Variants in PIK3C3 observed in about 807,000 individuals in gnomAD.
PIK3C3 encodes phosphatidylinositol 3-kinase catalytic subunit type 3.
Under a neutral mutation model 126.1 loss-of-function variants are expected in PIK3C3, and 95 were observed. That is an observed-to-expected ratio of 0.75 (90% CI 0.64 to 0.89). PIK3C3 has a LOEUF of 0.89. PIK3C3 is among the 40% of genes least tolerant of loss of function. PIK3C3 has a pLI of 0.00. For synonymous variants in PIK3C3, 374 were observed against 360.0 expected (o/e 1.04, Z -0.44); for missense variants, 829 against 1,063.2 (o/e 0.78, Z 3.06).
At chr18:41,959,316 T>C (rs973635012) in intron 2 of PIK3C3, among the ~76,000 whole-genome samples, 3 of 152,206 alleles carry the variant, frequency 2.0e-5, no homozygotes, top group Non-Finnish European at 4.4e-5. Flanking sequence ...CTCCTCCCAT[T>C]TGCCAACTCT....
chr18:42,009,186 A>G (rs1982687211), intron 10 of PIK3C3, among the ~76,000 whole-genome samples: 1 of 152,202 alleles, frequency 6.6e-6, no homozygotes, highest in Admixed American at 6.5e-5. Context: ...AGAAAATCAG[A>G]TGTTTATTGC....
At chr18:41,973,794 A>G (rs181859411) in intron 4 of PIK3C3, among the ~76,000 whole-genome samples, 1 of 152,222 alleles carries the variant, frequency 6.6e-6, no homozygotes, top group Non-Finnish European at 1.5e-5. Flanking sequence ...AGGAACAGAG[A>G]TGGTAGATGT....
intron 12 of PIK3C3, among the ~76,000 whole-genome samples, chr18:42,017,649 T>G (rs1983133807): frequency 6.6e-6 from 1 of 152,230 alleles, no homozygotes; most frequent in Admixed American, 6.5e-5. Context: ...TGCATCTTTA[T>G]CACTGTTTGG....
intron 9 of PIK3C3, among the ~76,000 whole-genome samples, chr18:41,999,522 G>A (rs1456607907): frequency 6.6e-6 from 1 of 152,076 alleles, no homozygotes; most frequent in Non-Finnish European, 1.5e-5. Flanking sequence ...GAAATTGATG[G>A]TGACCCATGG....
At chr18:42,072,963 C>T (rs1303099025) in intron 24 of PIK3C3, among the ~76,000 whole-genome samples, 1 of 152,120 alleles carries the variant, frequency 6.6e-6, no homozygotes, top group African/African-American at 2.4e-5. Flanking sequence ...AGTCCATTTC[C>T]TGTTTCTGCT....
At chr18:42,042,450 G>A (rs1984364859) in intron 19 of PIK3C3, among the ~76,000 whole-genome samples, 1 of 152,134 alleles carries the variant, frequency 6.6e-6, no homozygotes, top group African/African-American at 2.4e-5. Context: ...CAGTGGTCCT[G>A]GGGACCCGTT....
At chr18:41,975,014 TG>T in intron 4 of PIK3C3, among the ~76,000 whole-genome samples, 1 of 152,138 alleles carries the variant, frequency 6.6e-6, no homozygotes, top group East Asian at 1.9e-4. Flanking sequence ...AACAACTAGA[TG>T]AAAAATGCTT....
chr18:41,984,417 C>A (rs1416260194), intron 4 of PIK3C3, among the ~76,000 whole-genome samples: 1 of 151,976 alleles, frequency 6.6e-6, no homozygotes, highest in Admixed American at 6.6e-5. Flanking sequence ...ATAGCTGTTA[C>A]AACTTACATA....
chr18:42,000,812 A>G (rs761114959), intron 9 of PIK3C3, among the ~76,000 whole-genome samples: 15 of 152,168 alleles, frequency 9.9e-5, no homozygotes, highest in Non-Finnish European at 1.6e-4. Context: ...CTTACTCACT[A>G]TCATGAGAAC....
rs1986410818 is a variant in PIK3C3, at chr18:42,086,882, T to G, written c.*5745T>G. 1 of 152,184 alleles carries G rather than the reference T, an allele frequency of 6.6e-6. No individual in the cohort carries two copies. 9.4% of individuals were successfully genotyped at this position (152,184 alleles called of 1,614,324 possible). A position where few individuals can be genotyped will look rare whatever the true frequency, so the allele number is the denominator to read the frequency against. ...AGCCATCCTTTCTTTATTAACCTGC[T>G]TTCACTTTATGGACTCCCCTGAATT... On this transcript the variant is annotated 3_prime_UTR_variant, in exon 25 of 25. Coordinates refer to ENST00000262039, the MANE Select transcript of PIK3C3 (RefSeq NM_002647.4).
intron 9 of PIK3C3, among the ~76,000 whole-genome samples, chr18:41,997,130 G>A (rs1982065869): frequency 6.6e-6 from 1 of 152,136 alleles, no homozygotes; most frequent in Non-Finnish European, 1.5e-5. Flanking sequence ...TAGGTGCAGA[G>A]TAAATGCTGG....
intron 17 of PIK3C3, among the ~76,000 whole-genome samples, chr18:42,038,467 G>A (rs771013709): frequency 6.6e-6 from 1 of 151,442 alleles, no homozygotes; most frequent in African/African-American, 2.4e-5. Flanking sequence ...TCAGCCTCCC[G>A]AGTAGTTGGG....
At chr18:42,038,414 T>C (rs975298658) in intron 17 of PIK3C3, among the ~76,000 whole-genome samples, 5 of 152,108 alleles carry the variant, frequency 3.3e-5, no homozygotes, top group Non-Finnish European at 5.9e-5. Flanking sequence ...CGATCTTGGC[T>C]CACTGCAACC....
intron 24 of PIK3C3, among the ~76,000 whole-genome samples, chr18:42,073,844 C>T (rs1985874684): frequency 1.3e-5 from 2 of 151,890 alleles, no homozygotes; most frequent in South Asian, 4.1e-4. Flanking sequence ...AGAAGGCAAC[C>T]TTCTAGGTCA....
chr18:41,972,542 C>A lies in PIK3C3; in HGVS notation c.531+2086C>A, dbSNP rs1239658733. On this transcript the variant is annotated intron_variant, in intron 4 of 24. Coordinates refer to ENST00000262039, the MANE Select transcript of PIK3C3 (RefSeq NM_002647.4). Reference sequence around the variant, plus strand: ...CAGTCCTCCTGATAGTAATTGGAGCCTAGCTCTTTTCCACATTCTTTCATC... The same window carrying A: ...CAGTCCTCCTGATAGTAATTGGAGCATAGCTCTTTTCCACATTCTTTCATC... 3.9e-5 allele frequency among the ~76,000 whole-genome samples: 6 copies of A among 152,052 alleles called. No homozygotes were observed. The East Asian group carries it at 1.2e-3, about 29-fold the overall frequency.
rs746636527 is a variant in PIK3C3 at position 42,033,871 on chromosome 18, T to A, written c.1753T>A (p.Leu585Met). ...GCTTGGAGATAATGAAAAGATGAAT[T>A]TGTCAGATGTGGAACTTATCCCGTT... is the stretch of plus-strand genomic sequence containing the variant. ...ALLGDNEKMN[L>M]SDVELIPLPL... Residue 585 changes from leucine to methionine, a missense_variant, in exon 16 of 25, where the codon TTG becomes ATG. By Grantham distance (15) the Leu-to-Met change is conservative (BLOSUM62 2). Around this residue, in one of 4 missense-constraint regions of PIK3C3, gnomAD observed 256 missense variants for 291.0 expected, o/e 0.88. Transcript: ENST00000262039. The A allele has an allele frequency of 6.2e-7, 1 of 1,604,972 alleles. No homozygotes were observed. The highest frequency in any genetic ancestry group is 8.5e-7 in the Non-Finnish European group (1 of 1,174,596).
At chr18:42,079,943 T>TTG (rs1304336423) in intron 24 of PIK3C3, among the ~76,000 whole-genome samples, 26 of 116,602 alleles carry the variant, frequency 2.2e-4, no homozygotes, top group African/African-American at 8.2e-4. Context: ...TCCCCAACTT[T>TTG]TGAGTGTGTG....
chr18:41,962,947 G>A lies in PIK3C3; in HGVS notation c.401+315G>A, dbSNP rs575214660. ...TATGACATATAACTGCTTTGTTACA[G>A]GGTTTATCTGCTTTTTTTATAATAT... On this transcript the variant is annotated intron_variant, in intron 3 of 24. Transcript: ENST00000262039. Among the ~76,000 whole-genome samples, 4 of 152,202 alleles carry A rather than the reference G, an allele frequency of 2.6e-5. No homozygotes were observed. In the South Asian group the frequency reaches 8.3e-4, roughly 32 times the overall value.
At chr18:42,001,969 A>G (rs1209291756) in intron 9 of PIK3C3, among the ~76,000 whole-genome samples, 1 of 152,200 alleles carries the variant, frequency 6.6e-6, no homozygotes, top group African/African-American at 2.4e-5. Flanking sequence ...CTATACAGAA[A>G]GGGAGCATTA....
Sources: gnomAD v4.1 joint callset for allele counts (sites outside exome capture counted in the v4.1 genomes callset) on GRCh38, gnomAD v4.1.1 for gene constraint, gnomAD v4.1.1 regional missense constraint, MANE v1.5 for transcripts, NCBI Gene and HGNC (gene_info 2026-07-23, HGNC 2026-07-21) for gene names.